The following SLC35F3 variants were observed in gnomAD, a reference collection of about 807,000 sequenced individuals.
SLC35F3 encodes solute carrier family 35 member F3.
A neutral mutation model predicts 49.9 loss-of-function variants in SLC35F3; 25 were observed. The observed-to-expected ratio is 0.50, with a 90% confidence interval of 0.37 to 0.70. The LOEUF is 0.70. SLC35F3 is among the 30% of genes least tolerant of loss of function. The pLI is 0.00. For missense variants in SLC35F3, 525 were observed against 639.8 expected (o/e 0.82, Z 1.94); for synonymous variants, 275 against 265.4 (o/e 1.04, Z -0.35).
chr1:234,231,553 G>C lies in SLC35F3; in HGVS notation c.420G>C (p.Ala140=). 4 of 1,614,112 alleles carry C rather than the reference G, an allele frequency of 2.5e-6. No homozygotes were observed. The highest frequency in any genetic ancestry group is 3.4e-6 in the Non-Finnish European group (4 of 1,180,000). ...TCAAGAAGATCTTCTGGGGCGTGGC[G>C]GTCGTGCTGTGCGTGTGCTCCTCGT... ...AQLKKIFWGV[A]VVLCVCSSWA... The change falls in exon 3 of 8, where the codon GCG becomes GCC. Residue 140 remains alanine, a synonymous_variant. Coordinates refer to ENST00000366618, the MANE Select transcript of SLC35F3 (RefSeq NM_173508.4). The surrounding 1 kb of genome is among the most constrained non-coding windows in gnomAD (Gnocchi z 5.4).
At chr1:234,071,970 G>A (rs1253080860) in intron 2 of SLC35F3, among the ~76,000 whole-genome samples, 1 of 152,214 alleles carries the variant, frequency 6.6e-6, no homozygotes, top group African/African-American at 2.4e-5. Context: ...GGAATCAGGG[G>A]ACTCATGAGT....
intron 3 of SLC35F3, among the ~76,000 whole-genome samples, chr1:234,292,633 G>A (rs2102986521): frequency 6.6e-6 from 1 of 152,310 alleles, no homozygotes; most frequent in Admixed American, 6.5e-5. Flanking sequence ...CAAATGTTCT[G>A]TCTTGGAATG....
chr1:234,194,908 C>T (rs1299092375), intron 2 of SLC35F3, among the ~76,000 whole-genome samples: 2 of 152,168 alleles, frequency 1.3e-5, no homozygotes, highest in Admixed American at 6.5e-5. Context: ...GCAATTAGGG[C>T]GACAGACAGA....
At chr1:234,220,117 C>G (rs899402875) in intron 2 of SLC35F3, among the ~76,000 whole-genome samples, 1 of 151,888 alleles carries the variant, frequency 6.6e-6, no homozygotes, top group Non-Finnish European at 1.5e-5. Flanking sequence ...AAAACACCAT[C>G]CGAAACTGAG....
intron 2 of SLC35F3, among the ~76,000 whole-genome samples, chr1:234,060,442 G>GTATA (rs1553301623): frequency 6.6e-6 from 1 of 151,920 alleles, no homozygotes; most frequent in Non-Finnish European, 1.5e-5. Flanking sequence ...TCCTATTTAT[G>GTATA]TATTTATTTA....
chr1:234,232,519 CAAAAAAAAAAAA>C (rs536692686), intron 3 of SLC35F3, among the ~76,000 whole-genome samples: 2 of 72,362 alleles, frequency 2.8e-5, no homozygotes, highest in Non-Finnish European at 5.0e-5. Flanking sequence ...CAGGCCTAGT[CAAAAAAAAAAAA>C]AAAAAAAAAG....
chr1:233,982,289 T>C (rs1464660595), intron 2 of SLC35F3, among the ~76,000 whole-genome samples: 3 of 152,248 alleles, frequency 2.0e-5, no homozygotes, highest in Non-Finnish European at 2.9e-5. Context: ...TGAACTGTAC[T>C]ATCAGTCCAC....
chr1:234,293,098 C>T (rs1220450177), intron 3 of SLC35F3, among the ~76,000 whole-genome samples: 2 of 152,188 alleles, frequency 1.3e-5, no homozygotes, highest in Non-Finnish European at 2.9e-5. Context: ...CCCTCTGATG[C>T]CATAGGCAGA....
In SLC35F3 at chr1:234,081,904, A is replaced by ATTTTTTTTTTTTTTTTTTTTTTTT. The variant is rs781469880; in HGVS notation, c.284-149504_284-149481dup. Among the ~76,000 whole-genome samples the ATTTTTTTTTTTTTTTTTTTTTTTT allele has an allele frequency of 3.6e-4, 14 of 39,232 alleles. 2 individuals are homozygous for ATTTTTTTTTTTTTTTTTTTTTTTT. Among genetic ancestry groups the ATTTTTTTTTTTTTTTTTTTTTTTT allele is most frequent in the Admixed American group, 8.6e-4 (2 of 2,320 alleles). The allele number at this position is 39,232 out of a possible 152,430, so 25.7% of individuals were successfully genotyped here. On this transcript the variant is annotated intron_variant, in intron 2 of 7. Coordinates refer to ENST00000366618, the MANE Select transcript of SLC35F3 (RefSeq NM_173508.4). ...AGGCGCCTGCCACCATGCCTGGCTAATTTTTTTTTTTTTTTTTTTTTTTTT... is the reference window on the plus strand; with the variant it reads ...AGGCGCCTGCCACCATGCCTGGCTAATTTTTTTTTTTTTTTTTTTTTTTTTTTTTTTTTTTTTTTTTTTTTTTTT...
chr1:233,905,910 G>C, intron 2 of SLC35F3, 152 bp downstream of exon 2: 2 of 703,868 alleles, frequency 2.8e-6, no homozygotes, highest in Non-Finnish European at 4.7e-6. Flanking sequence ...TCGAGGAAGA[G>C]GCCCGGAGAC....
intron 2 of SLC35F3, among the ~76,000 whole-genome samples, chr1:234,122,138 G>A (rs972575361): frequency 2.0e-5 from 3 of 152,196 alleles, no homozygotes; most frequent in Admixed American, 1.3e-4. Context: ...TTGAGGAATT[G>A]CCACACTGTC....
At chr1:234,137,981 A>G (rs1388676804) in intron 2 of SLC35F3, among the ~76,000 whole-genome samples, 1 of 151,634 alleles carries the variant, frequency 6.6e-6, no homozygotes, top group Non-Finnish European at 1.5e-5. Flanking sequence ...TTCAGTGTAA[A>G]GAATGGAAGA....
At chr1:234,023,045 C>T (rs950050074) in intron 2 of SLC35F3, among the ~76,000 whole-genome samples, 23 of 152,174 alleles carry the variant, frequency 1.5e-4, no homozygotes, top group African/African-American at 4.8e-4. Context: ...AAAGAAGTTT[C>T]CCCAGAAAAA....
chr1:234,208,834 A>T (rs1667011203), intron 2 of SLC35F3, among the ~76,000 whole-genome samples: 1 of 152,160 alleles, frequency 6.6e-6, no homozygotes, highest in Non-Finnish European at 1.5e-5. Context: ...TTAAATACCC[A>T]TCCAATTCCC....
chr1:234,292,652 C>T (rs145181104), intron 3 of SLC35F3, among the ~76,000 whole-genome samples: 134 of 152,280 alleles, frequency 8.8e-4, no homozygotes, highest in African/African-American at 2.9e-3. Flanking sequence ...TGGGAAAGGG[C>T]CCTGGGGCTC....
intron 2 of SLC35F3, among the ~76,000 whole-genome samples, chr1:234,122,918 G>C (rs1484688915): frequency 1.3e-5 from 2 of 152,168 alleles, no homozygotes; most frequent in Non-Finnish European, 2.9e-5. Context: ...AAATAGTGCT[G>C]CAATAAATAT....
At chr1:233,996,676 G>A (rs1663466587) in intron 2 of SLC35F3, among the ~76,000 whole-genome samples, 1 of 152,142 alleles carries the variant, frequency 6.6e-6, no homozygotes, top group Non-Finnish European at 1.5e-5. Context: ...GTGTCCAAGG[G>A]TATTCCACTC....
chr1:234,206,796 CT>C (rs1390139667), intron 2 of SLC35F3, among the ~76,000 whole-genome samples: 6 of 152,158 alleles, frequency 3.9e-5, no homozygotes, highest in Non-Finnish European at 7.3e-5. Context: ...GAGATCAGGA[CT>C]TCTGAAACTG....
intron 2 of SLC35F3, among the ~76,000 whole-genome samples, chr1:234,121,563 CT>C (rs991042967): frequency 7.0e-4 from 106 of 150,876 alleles, no homozygotes; most frequent in African/African-American, 2.4e-3. Flanking sequence ...CTTTTTTTTT[CT>C]TTTTTTCTTT....
Sources: allele counts gnomAD v4.1 joint callset (sites outside exome capture counted in the v4.1 genomes callset), GRCh38; gene constraint gnomAD v4.1.1; non-coding constraint Gnocchi (gnomAD v3.1); transcripts MANE v1.5; gene names NCBI Gene and HGNC (gene_info 2026-07-23, HGNC 2026-07-21).